The following TBC1D14 variants were observed in gnomAD, a reference collection of about 807,000 sequenced individuals.
The protein encoded by TBC1D14 is TBC1 domain family member 14.
In TBC1D14, 26 loss-of-function variants were observed where a neutral mutation model predicts 79.0. The ratio of observed to expected loss-of-function variants is 0.33; its 90% confidence interval spans 0.24 to 0.46. The LOEUF (loss-of-function observed/expected upper bound fraction) is 0.46, where lower values mean the gene tolerates loss of function less well. TBC1D14 is among the 20% of genes least tolerant of loss of function. TBC1D14 has a pLI of 1.00. For missense variants in TBC1D14, 769 were observed against 887.6 expected, an observed-to-expected ratio of 0.87 and a Z score of 1.70; for synonymous variants, 394 against 349.9, an observed-to-expected ratio of 1.13 and a Z score of -1.40.
At chr4:6,957,682 C>T (rs1577083990) in intron 2 of TBC1D14, among the ~76,000 whole-genome samples, 1 of 152,136 alleles carries the variant, frequency 6.6e-6, no homozygotes, top group South Asian at 2.1e-4. Flanking sequence ...AAGGCCAAGG[C>T]GGGAGCATGG....
intron 13 of TBC1D14, among the ~76,000 whole-genome samples, chr4:7,029,584 T>C (rs1465743760): frequency 6.6e-6 from 1 of 152,228 alleles, no homozygotes; most frequent in African/African-American, 2.4e-5. Flanking sequence ...TCAAGCACTT[T>C]GGGAGGCCAA....
chr4:6,985,844 A>T (rs1468516383), intron 3 of TBC1D14, among the ~76,000 whole-genome samples: 2 of 152,230 alleles, frequency 1.3e-5, no homozygotes, highest in Non-Finnish European at 2.9e-5. Context: ...CCTTTCAGCC[A>T]GAATCAGCCT....
chr4:6,953,295 T>C (rs1577077956), intron 2 of TBC1D14, among the ~76,000 whole-genome samples: 1 of 137,534 alleles, frequency 7.3e-6, no homozygotes, highest in South Asian at 2.6e-4. Flanking sequence ...AGTGCTGGGA[T>C]TACAGGCGTG....
rs972968562 is a variant in TBC1D14 at position 7,014,465 on chromosome 4, T to C, written c.1665T>C (p.Ala555=). ...VDHGLMLTYF[A]AFEVFFEENL... is the part of the protein sequence containing the mutation. Reference sequence around the variant, plus strand: ...CTCCCTAGATGTTGACTTATTTTGCTGCATTTGAAGTATTCTTTGAAGAAA... The same window carrying C: ...CTCCCTAGATGTTGACTTATTTTGCCGCATTTGAAGTATTCTTTGAAGAAA... Residue 555 remains alanine (A), a synonymous_variant, in exon 12 of 14, where the codon GCT becomes GCC. Coordinates refer to ENST00000409757, the MANE Select transcript of TBC1D14 (RefSeq NM_020773.3). 6 of 1,613,286 alleles carry C rather than the reference T, an allele frequency of 3.7e-6. No individual in the cohort carries two copies. In the Admixed American group the frequency reaches 8.3e-5, roughly 22 times the overall value.
rs1560290383 is a variant in TBC1D14, at chr4:6,967,289, A to G, written c.723-15A>G. On this transcript the variant is annotated splice_polypyrimidine_tract_variant and intron_variant, in intron 2 of 13. Coordinates refer to ENST00000409757, the MANE Select transcript of TBC1D14 (RefSeq NM_020773.3). Reference sequence around the variant, plus strand: ...TACCCAGAAATGCCCTAACCTTGTTATTTTCTTCCTATAGGAACTTGCTTG... The same window carrying G: ...TACCCAGAAATGCCCTAACCTTGTTGTTTTCTTCCTATAGGAACTTGCTTG... 4 of 1,612,494 alleles carry G rather than the reference A, an allele frequency of 2.5e-6. No individual in the cohort carries two copies. The South Asian group carries it at 3.3e-5, about 13-fold the overall frequency.
At chr4:7,019,276 A>C (rs1017069624) in intron 12 of TBC1D14, among the ~76,000 whole-genome samples, 1 of 152,078 alleles carries the variant, frequency 6.6e-6, no homozygotes, top group African/African-American at 2.4e-5. Flanking sequence ...CAACTAGGCC[A>C]CCCAAAGTGC....
At chr4:6,957,680 G>A (rs1239658475) in intron 2 of TBC1D14, among the ~76,000 whole-genome samples, 1 of 152,208 alleles carries the variant, frequency 6.6e-6, no homozygotes, top group Admixed American at 6.5e-5. Flanking sequence ...AGAAGGCCAA[G>A]GCGGGAGCAT....
intron 2 of TBC1D14, among the ~76,000 whole-genome samples, chr4:6,959,229 A>G (rs4504252): frequency 0.99 from 150,913 of 152,316 alleles, 74,776 homozygotes; most frequent in Middle Eastern, 1. Context: ...TTATAGTTTG[A>G]GCCTTGGAGA....
Position 7,030,670 on chromosome 4 carries a change from A to C in TBC1D14, c.*278A>C. 6.2e-6 allele frequency: 2 copies of C among 324,494 alleles called. No homozygotes were observed. Among genetic ancestry groups the C allele is most frequent in the Non-Finnish European group, 5.9e-6 (1 of 168,948 alleles). The allele number at this position is 324,494 out of a possible 1,614,324, so 20.1% of individuals were successfully genotyped here. On this transcript the variant is annotated 3_prime_UTR_variant, in exon 14 of 14. Coordinates refer to ENST00000409757, the MANE Select transcript of TBC1D14 (RefSeq NM_020773.3). ...GAACGATGGGCAGTGGCTCACCCCCACTCCTTTATTTCAGCAAAAGCTAAT... is the reference window on the plus strand; with the variant it reads ...GAACGATGGGCAGTGGCTCACCCCCCCTCCTTTATTTCAGCAAAAGCTAAT...
At chr4:6,937,192 C>T (rs1712420388) in intron 2 of TBC1D14, among the ~76,000 whole-genome samples, 1 of 152,252 alleles carries the variant, frequency 6.6e-6, no homozygotes, top group African/African-American at 2.4e-5. Flanking sequence ...GTTGGGATTA[C>T]AGGCGTGAGC....
At chr4:6,943,142 A>G (rs1052140292) in intron 2 of TBC1D14, among the ~76,000 whole-genome samples, 2 of 152,036 alleles carry the variant, frequency 1.3e-5, no homozygotes, top group African/African-American at 4.8e-5. Flanking sequence ...GAGCGTGTGT[A>G]GGGACCAGTG....
chr4:6,967,878 G>C (rs991763850), intron 3 of TBC1D14, among the ~76,000 whole-genome samples: 1 of 152,168 alleles, frequency 6.6e-6, no homozygotes, highest in Non-Finnish European at 1.5e-5. Flanking sequence ...CCTCTCCCTT[G>C]CTCACCCTGA....
intron 11 of TBC1D14, among the ~76,000 whole-genome samples, chr4:7,013,836 C>T (rs1041340861): frequency 6.6e-6 from 1 of 151,974 alleles, no homozygotes. Flanking sequence ...CTCCGCCTCC[C>T]GGGTTCACGC....
At chr4:6,996,575 C>T (rs1024336224) in intron 5 of TBC1D14, among the ~76,000 whole-genome samples, 168 bp downstream of exon 5, 3 of 150,006 alleles carry the variant, frequency 2.0e-5, no homozygotes, top group South Asian at 2.1e-4. Flanking sequence ...CCCCCACAAG[C>T]GAAAACAGGG....
intron 2 of TBC1D14, among the ~76,000 whole-genome samples, chr4:6,952,779 C>T (rs933974751): frequency 1.3e-5 from 2 of 151,778 alleles, no homozygotes; most frequent in Non-Finnish European, 2.9e-5. Flanking sequence ...AACTGAATGG[C>T]GTTGGCTCCA....
intron 2 of TBC1D14, among the ~76,000 whole-genome samples, chr4:6,966,140 T>G (rs1387911903): frequency 6.6e-6 from 1 of 152,270 alleles, no homozygotes; most frequent in Non-Finnish European, 1.5e-5. Context: ...TCTCATTATT[T>G]GGATGAGTAA....
intron 2 of TBC1D14, among the ~76,000 whole-genome samples, chr4:6,944,391 G>A (rs1027942796): frequency 6.6e-6 from 1 of 152,180 alleles, no homozygotes; most frequent in Non-Finnish European, 1.5e-5. Context: ...TTTTGATGAT[G>A]GAATTCCCCA....
intron 3 of TBC1D14, among the ~76,000 whole-genome samples, chr4:6,972,708 A>G (rs1449871263): frequency 6.6e-6 from 1 of 152,192 alleles, no homozygotes. Flanking sequence ...TACTGGCCCA[A>G]TCAGAAACAG....
intron 2 of TBC1D14, among the ~76,000 whole-genome samples, chr4:6,925,126 C>T (rs1395138519): frequency 6.6e-6 from 1 of 152,120 alleles, no homozygotes; most frequent in Non-Finnish European, 1.5e-5. Flanking sequence ...AACCCCGTCT[C>T]TACTAAAAAT....
Sources: allele counts gnomAD v4.1 joint callset (sites outside exome capture counted in the v4.1 genomes callset), GRCh38; gene constraint gnomAD v4.1.1; transcripts MANE v1.5; gene names NCBI Gene and HGNC (gene_info 2026-07-23, HGNC 2026-07-21).